The following ANTXRL variants were observed in gnomAD, a reference collection of about 807,000 sequenced individuals.
ANTXRL encodes ANTXR like.
In ANTXRL, 63 loss-of-function variants were observed where a neutral mutation model predicts 75.4. That is an observed-to-expected ratio of 0.84 (90% CI 0.68 to 1.03). The LOEUF (loss-of-function observed/expected upper bound fraction) is 1.03, where lower values mean the gene tolerates loss of function less well. Among genes scored for constraint, ANTXRL ranks in the 50% least tolerant of loss-of-function variants. The pLI, the probability that ANTXRL is intolerant of heterozygous loss-of-function variation, is 0.00. For synonymous variants in ANTXRL, 335 were observed against 291.3 expected (o/e 1.15, Z -1.53); for missense variants, 797 against 789.4 (o/e 1.01, Z -0.12).
chr10:46,289,828 T>C (rs1836910225), intron 1 of ANTXRL, among the ~76,000 whole-genome samples: 1 of 152,132 alleles, frequency 6.6e-6, no homozygotes, highest in South Asian at 2.1e-4. Flanking sequence ...TAGTGTATTT[T>C]CTCTATCTAT....
intron 16 of ANTXRL, among the ~76,000 whole-genome samples, chr10:46,322,463 A>G (rs1839027371): frequency 6.6e-6 from 1 of 152,058 alleles, no homozygotes. Context: ...ATCTCAAAAA[A>G]AAAAAAAAAA....
At position 46,313,286 on chromosome 10, in the gene ANTXRL, G is replaced by A; in HGVS notation, c.1380G>A (p.Val460=). ...CDLSHASCHQ[V]PWMCCQSRDQ... ...TCTCTCACGCAAGCTGCCACCAGGT[G>A]CCATGGATGTGTTGTCAGAGCAGGG... Residue 460 remains valine (V), a synonymous_variant, in exon 16 of 17, where the codon GTG becomes GTA. Coordinates refer to ENST00000620264, the MANE Select transcript of ANTXRL (RefSeq NM_001278688.3). 2 of 1,535,936 alleles carry A rather than the reference G, an allele frequency of 1.3e-6. No homozygotes were observed. The highest frequency in any genetic ancestry group is 1.7e-6 in the Non-Finnish European group (2 of 1,146,740).
At chr10:46,299,859 C>T (rs1373127518) in intron 9 of ANTXRL, among the ~76,000 whole-genome samples, 2 of 152,190 alleles carry the variant, frequency 1.3e-5, no homozygotes, top group Admixed American at 1.3e-4. Context: ...GCTGACACTT[C>T]CATGATTGGT....
At chr10:46,289,063 G>C (rs1344189547) in intron 1 of ANTXRL, among the ~76,000 whole-genome samples, 1 of 152,144 alleles carries the variant, frequency 6.6e-6, no homozygotes, top group Non-Finnish European at 1.5e-5. Context: ...AGACCACGCA[G>C]CTGGGCGGGA....
intron 3 of ANTXRL, chr10:46,294,162 G>T: frequency 2.0e-6 from 1 of 510,104 alleles, no homozygotes; most frequent in Non-Finnish European, 3.5e-6. Flanking sequence ...CCCTCTCTCC[G>T]CTCTGCCTCC....
chr10:46,287,816 C>T (rs1590313424), intron 1 of ANTXRL, among the ~76,000 whole-genome samples: 1 of 152,152 alleles, frequency 6.6e-6, no homozygotes, highest in Admixed American at 6.5e-5. Flanking sequence ...GATGATTGCT[C>T]GGACCTGCCT....
At chr10:46,310,002 C>T (rs1838327645) in intron 13 of ANTXRL, among the ~76,000 whole-genome samples, 1 of 152,052 alleles carries the variant, frequency 6.6e-6, no homozygotes, top group Non-Finnish European at 1.5e-5. Flanking sequence ...AGAGCTCAGC[C>T]CAGGGAACAC....
At chr10:46,321,532 A>C (rs955103720) in intron 16 of ANTXRL, among the ~76,000 whole-genome samples, 1 of 152,156 alleles carries the variant, frequency 6.6e-6, no homozygotes, top group Non-Finnish European at 1.5e-5. Context: ...GGTGGTGACA[A>C]GGACTCGGTA....
At chr10:46,328,992 A>G (rs1169437927) in intron 16 of ANTXRL, among the ~76,000 whole-genome samples, 4 of 152,176 alleles carry the variant, frequency 2.6e-5, no homozygotes, top group Non-Finnish European at 5.9e-5. Flanking sequence ...CAGCAGAGAG[A>G]AAGGCATCAC....
At chr10:46,325,556 C>G (rs1363419639) in intron 16 of ANTXRL, among the ~76,000 whole-genome samples, 1 of 152,118 alleles carries the variant, frequency 6.6e-6, no homozygotes, top group Non-Finnish European at 1.5e-5. Flanking sequence ...ATTGAACTGC[C>G]AAGTTCAGGA....
At chr10:46,292,037 C>CCA in intron 1 of ANTXRL, 21 bp from the exon 2 acceptor site, 1 of 1,535,080 alleles carries the variant, frequency 6.5e-7, no homozygotes, top group East Asian at 2.4e-5. Flanking sequence ...TCTCCCTGAC[C>CCA]CACATCTCCT....
At chr10:46,299,832 C>G (rs1339092326) in intron 9 of ANTXRL, among the ~76,000 whole-genome samples, 2 of 152,154 alleles carry the variant, frequency 1.3e-5, no homozygotes, top group African/African-American at 4.8e-5. Context: ...CTGGCAGGTC[C>G]CTGAAACAGG....
At chr10:46,289,380 G>A (rs141750203) in intron 1 of ANTXRL, among the ~76,000 whole-genome samples, 4 of 152,300 alleles carry the variant, frequency 2.6e-5, no homozygotes, top group East Asian at 1.9e-4. Flanking sequence ...TACATTCACA[G>A]TGTTGTGCAA....
At chr10:46,293,364 G>A (rs1468203257) in intron 2 of ANTXRL, among the ~76,000 whole-genome samples, 4 of 147,768 alleles carry the variant, frequency 2.7e-5, no homozygotes, top group Non-Finnish European at 6.0e-5. Context: ...GTGTGCATGT[G>A]AGTGTGCCTG....
intron 15 of ANTXRL, among the ~76,000 whole-genome samples, chr10:46,312,484 C>A (rs1366772354): frequency 6.8e-6 from 1 of 147,310 alleles, no homozygotes; most frequent in Non-Finnish European, 1.5e-5. Flanking sequence ...CTGGCTCTGC[C>A]CCTCTCCCCC....
rs1172942303 is a variant in ANTXRL, at chr10:46,309,990, G to A, written c.1135-471G>A. ...GAGAACAGAGCAGAAGGAGGAGAGC[G>A]CAGAGCTCAGCCCAGGGAACACACA... On this transcript the variant is annotated intron_variant, in intron 13 of 16. Coordinates refer to ENST00000620264, the MANE Select transcript of ANTXRL (RefSeq NM_001278688.3). Among the ~76,000 whole-genome samples, 2 of 152,224 alleles carry A rather than the reference G, an allele frequency of 1.3e-5. 1 individual carries two copies. Among genetic ancestry groups the A allele is most frequent in the South Asian group, 4.1e-4 (2 of 4,820 alleles).
At chr10:46,306,742 A>T (rs782603152) in intron 10 of ANTXRL, 61 bp from the exon 11 acceptor site, 1 of 1,393,836 alleles carries the variant, frequency 7.2e-7, no homozygotes. Context: ...GAGGACAGAC[A>T]TGGGGAGGAA....
Position 46,315,538 on chromosome 10 carries a change from G to C in ANTXRL, c.1410+2222G>C, listed in dbSNP as rs1364825722. Reference sequence around the variant, plus strand: ...TCCCCTCAGACAGGGATTCACTCAGGCCCTCAGCAGGTTGGGGGATCCTGA... The same window carrying C: ...TCCCCTCAGACAGGGATTCACTCAGCCCCTCAGCAGGTTGGGGGATCCTGA... On this transcript the variant is annotated intron_variant, in intron 16 of 16. Coordinates refer to ENST00000620264, the MANE Select transcript of ANTXRL (RefSeq NM_001278688.3). Among the ~76,000 whole-genome samples, 6 of 152,152 alleles carry C rather than the reference G, an allele frequency of 3.9e-5. No individual in the cohort carries two copies. The South Asian group carries it at 1.2e-3, about 32-fold the overall frequency.
intron 9 of ANTXRL, among the ~76,000 whole-genome samples, chr10:46,298,502 G>A (rs1467317050): frequency 3.3e-5 from 5 of 151,398 alleles, no homozygotes; most frequent in South Asian, 2.1e-4. Context: ...GTGAGTGTAC[G>A]TAGGGAGCAT....
Sources: gnomAD v4.1 joint callset for allele counts (sites outside exome capture counted in the v4.1 genomes callset) on GRCh38, gnomAD v4.1.1 for gene constraint, MANE v1.5 for transcripts, NCBI Gene and HGNC (gene_info 2026-07-23, HGNC 2026-07-21) for gene names.